Variants in STX11 observed in about 807,000 individuals in gnomAD.
STX11 encodes syntaxin 11.
A neutral mutation model predicts 19.9 loss-of-function variants in STX11; 21 were observed. The observed-to-expected ratio is 1.06, with a 90% CI of 0.75 to 1.52. The LOEUF (loss-of-function observed/expected upper bound fraction) is 1.52, where lower values mean the gene tolerates loss of function less well. Ranked by LOEUF, STX11 falls within the 40% of genes most tolerant of loss-of-function variation. The pLI, the probability that STX11 is intolerant of heterozygous loss-of-function variation, is 0.00. For missense variants in STX11, 438 were observed against 405.9 expected, an observed-to-expected ratio of 1.08 and a Z score of -0.68; for synonymous variants, 193 against 174.4, an observed-to-expected ratio of 1.11 and a Z score of -0.84.
In STX11 at chr6:144,186,771, C is replaced by T; in HGVS notation, c.144C>T (p.Ile48=). ...DHILESLYRD[I]RDIQDENQLL... Reference sequence around the variant, plus strand: ...TCCTGGAGTCCCTGTACCGAGACATCCGGGACATTCAGGATGAAAACCAGC... The same window carrying T: ...TCCTGGAGTCCCTGTACCGAGACATTCGGGACATTCAGGATGAAAACCAGC... Residue 48 remains isoleucine (I), a synonymous_variant, in exon 2 of 2, where the codon ATC becomes ATT. Transcript: ENST00000367568. The T allele has an allele frequency of 6.2e-7, 1 of 1,614,046 alleles. No homozygotes were observed. The highest frequency in any genetic ancestry group is 8.5e-7 in the Non-Finnish European group (1 of 1,180,028).
intron 1 of STX11, among the ~76,000 whole-genome samples, chr6:144,181,108 A>G (rs941337713): frequency 1.3e-5 from 2 of 152,242 alleles, no homozygotes; most frequent in African/African-American, 4.8e-5. Context: ...GTGAGTTTTC[A>G]GCTGACTTTC....
At chr6:144,141,170 C>G in the STX11 span, among the ~76,000 whole-genome samples, 1 of 152,112 alleles carries the variant, frequency 6.6e-6, no homozygotes, top group Non-Finnish European at 1.5e-5. Context: ...AATTGGTTTC[C>G]ATAAAGAGCT....
chr6:144,161,331 T>C (rs1801332122), intron 1 of STX11, among the ~76,000 whole-genome samples: 1 of 152,196 alleles, frequency 6.6e-6, no homozygotes, highest in African/African-American at 2.4e-5. Context: ...AGGAAAATCC[T>C]GTTTAGTCAG....
intron 1 of STX11, among the ~76,000 whole-genome samples, chr6:144,185,920 T>C (rs946504192): frequency 2.0e-5 from 3 of 152,082 alleles, no homozygotes; most frequent in African/African-American, 7.2e-5. Flanking sequence ...GAGTTGTTAG[T>C]GTGTACAGGA....
At chr6:144,150,203 G>A (rs1057133971), upstream of STX11, among the ~76,000 whole-genome samples, 1 of 152,266 alleles carries the variant, frequency 6.6e-6, no homozygotes, top group Non-Finnish European at 1.5e-5. Context: ...CAGCGCAGCG[G>A]GGATTCCCGG....
intron 1 of STX11, among the ~76,000 whole-genome samples, chr6:144,168,496 G>C (rs960715330): frequency 6.6e-6 from 1 of 151,910 alleles, no homozygotes; most frequent in Non-Finnish European, 1.5e-5. Flanking sequence ...AAGAACTGTA[G>C]CCTCTTTGTT....
upstream of STX11, among the ~76,000 whole-genome samples, chr6:144,147,387 T>A (rs1282581499): frequency 1.3e-5 from 2 of 152,212 alleles, no homozygotes; most frequent in African/African-American, 4.8e-5. This position sits in a 1 kb window ranked among gnomAD's most constrained non-coding sequence, Gnocchi z 4.2. Flanking sequence ...CAGTTAATTG[T>A]TCTTTTTTAC....
the STX11 span, among the ~76,000 whole-genome samples, chr6:144,140,254 A>ATTTTTTT: frequency 5.1e-5 from 2 of 38,904 alleles, no homozygotes; most frequent in African/African-American, 2.6e-4. Flanking sequence ...ATATATATAT[A>ATTTTTTT]TTTATTTATT....
In STX11 at chr6:144,153,772, A is replaced by G. The variant is rs1257785129; in HGVS notation, c.-6+3069A>G. Among the ~76,000 whole-genome samples, 2 of 152,140 alleles carry G rather than the reference A, an allele frequency of 1.3e-5. No individual in the cohort carries two copies. The highest frequency in any genetic ancestry group is 2.4e-5 in the African/African-American group (1 of 41,436). ...GAGGGAAGGGGCTGGTAGAGGTTTA[A>G]TAGGTGGAACCCTGTCGGGTGTGTG... On this transcript the variant is annotated intron_variant, in intron 1 of 1. Transcript: ENST00000367568. The surrounding 1 kb of genome is among the most constrained non-coding windows in gnomAD (Gnocchi z 5.0).
chr6:144,148,838 T>C (rs1273916077), upstream of STX11, among the ~76,000 whole-genome samples: 2 of 152,240 alleles, frequency 1.3e-5, no homozygotes, highest in Admixed American at 6.5e-5. Context: ...CAAGCAATCC[T>C]CTCGCTTCAG....
In STX11 at chr6:144,187,872, A is replaced by C; in HGVS notation, c.*381A>C. 2.7e-6 allele frequency: 1 copy of C among 366,516 alleles called. No homozygotes were observed. The highest frequency in any genetic ancestry group is 5.3e-6 in the Non-Finnish European group (1 of 189,426). 22.7% of individuals were successfully genotyped at this position (366,516 alleles called of 1,614,324 possible). Reference sequence around the variant, plus strand: ...AGTCAATTGGGCATCTGCTAATAGAATGAACTCATGATGGAAACTTCAGTT... The same window carrying C: ...AGTCAATTGGGCATCTGCTAATAGACTGAACTCATGATGGAAACTTCAGTT... On this transcript the variant is annotated 3_prime_UTR_variant, in exon 2 of 2. Coordinates refer to ENST00000367568, the MANE Select transcript of STX11 (RefSeq NM_003764.4). The surrounding 1 kb of genome is among the most constrained non-coding windows in gnomAD (Gnocchi z 5.6).
chr6:144,144,604 C>T, the STX11 span, among the ~76,000 whole-genome samples: 1 of 152,160 alleles, frequency 6.6e-6, no homozygotes, highest in Non-Finnish European at 1.5e-5. Context: ...ATAGTAGACA[C>T]TAGTTATCGT....
At chr6:144,144,584 A>G in the STX11 span, among the ~76,000 whole-genome samples, 1 of 152,254 alleles carries the variant, frequency 6.6e-6, no homozygotes, top group African/African-American at 2.4e-5. Context: ...TATATTCTGC[A>G]CTGTCCAAAA....
chr6:144,153,617 G>C lies in STX11; in HGVS notation c.-6+2914G>C, dbSNP rs1205668555. Among the ~76,000 whole-genome samples the C allele has an allele frequency of 6.6e-6, 1 of 152,158 alleles. No homozygotes were observed. Among genetic ancestry groups the C allele is most frequent in the African/African-American group, 2.4e-5 (1 of 41,424 alleles). On this transcript the variant is annotated intron_variant, in intron 1 of 1. Coordinates refer to ENST00000367568, the MANE Select transcript of STX11 (RefSeq NM_003764.4). The surrounding 1 kb of genome is among the most constrained non-coding windows in gnomAD (Gnocchi z 5.0). ...GTTTAAAAAATAATAACAAAACTTGGAATTTTAAAAATCTTAGATTAGATG... is the reference window on the plus strand; with the variant it reads ...GTTTAAAAAATAATAACAAAACTTGCAATTTTAAAAATCTTAGATTAGATG...
chr6:144,185,747 A>G (rs1802012727), intron 1 of STX11, among the ~76,000 whole-genome samples: 1 of 152,230 alleles, frequency 6.6e-6, no homozygotes, highest in Non-Finnish European at 1.5e-5. Flanking sequence ...GATGCTTATC[A>G]TTAGGGAATG....
chr6:144,148,468 A>AT (rs1302820416), upstream of STX11, among the ~76,000 whole-genome samples: 1 of 152,102 alleles, frequency 6.6e-6, no homozygotes, highest in African/African-American at 2.4e-5. Flanking sequence ...AATAAACTGT[A>AT]TTTTTTAGAA....
chr6:144,178,865 A>G, intron 1 of STX11, among the ~76,000 whole-genome samples: 1 of 151,420 alleles, frequency 6.6e-6, no homozygotes. Context: ...TTAACTTCGG[A>G]GCAGCAAGAA....
chr6:144,181,738 G>A (rs1801917464), intron 1 of STX11, among the ~76,000 whole-genome samples: 1 of 151,658 alleles, frequency 6.6e-6, no homozygotes, highest in Non-Finnish European at 1.5e-5. Context: ...TGTAATCTTT[G>A]AAGCTCTCCA....
intron 1 of STX11, among the ~76,000 whole-genome samples, chr6:144,178,185 G>A (rs1251128174): frequency 1.3e-5 from 2 of 152,162 alleles, no homozygotes; most frequent in Non-Finnish European, 2.9e-5. Flanking sequence ...TTCTCAAGTA[G>A]TCACACTTTT....
Sources: gnomAD v4.1 joint callset for allele counts (sites outside exome capture counted in the v4.1 genomes callset) on GRCh38, gnomAD v4.1.1 for gene constraint, Gnocchi (gnomAD v3.1) non-coding constraint, MANE v1.5 for transcripts, NCBI Gene and HGNC (gene_info 2026-07-23, HGNC 2026-07-21) for gene names.